Variants in MYRFL observed in about 807,000 individuals in gnomAD.
MYRFL encodes the protein myelin regulatory factor like, also known as myelin regulatory factor-like protein.
Under a neutral mutation model 109.4 loss-of-function variants are expected in MYRFL, and 88 were observed. The ratio of observed to expected loss-of-function variants is 0.80; its 90% confidence interval spans 0.68 to 0.96. MYRFL has a LOEUF of 0.96. Ranked by LOEUF, MYRFL falls within the 40% of genes least tolerant of loss-of-function variation. The pLI is 0.00. For missense variants in MYRFL, 957 were observed against 954.9 expected, an observed-to-expected ratio of 1.00 and a Z score of -0.03; for synonymous variants, 324 against 320.9, an observed-to-expected ratio of 1.01 and a Z score of -0.10.
At chr12:69,846,151 A>T (rs143952180) in intron 1 of MYRFL, among the ~76,000 whole-genome samples, 1 of 97,948 alleles carries the variant, frequency 1.0e-5, no homozygotes, top group African/African-American at 4.1e-5. Context: ...CCACAGTACT[A>T]GATACTTTTG....
intron 2 of MYRFL, among the ~76,000 whole-genome samples, chr12:69,859,015 C>CA (rs1884473419): frequency 6.6e-6 from 1 of 151,892 alleles, no homozygotes; most frequent in South Asian, 2.1e-4. Flanking sequence ...TTAGCTGCCT[C>CA]ACTCAGTTTT....
intron 2 of MYRFL, among the ~76,000 whole-genome samples, chr12:69,862,651 T>C (rs902111139): frequency 1.3e-5 from 2 of 151,820 alleles, no homozygotes; most frequent in Non-Finnish European, 2.9e-5. Flanking sequence ...GATTTTGGGC[T>C]GAGACAATGG....
intron 19 of MYRFL, among the ~76,000 whole-genome samples, chr12:69,949,550 C>A (rs1421499070): frequency 6.6e-6 from 1 of 152,232 alleles, no homozygotes; most frequent in Non-Finnish European, 1.5e-5. Context: ...CTTGTCCAAC[C>A]CGCGGCCCAT....
At chr12:69,957,971 G>T in intron 23 of MYRFL, 29 bp downstream of exon 23, 5 of 1,521,642 alleles carry the variant, frequency 3.3e-6, no homozygotes, top group Non-Finnish European at 4.4e-6. Context: ...TCTCTTCCCC[G>T]CTGAGAGAGG....
intron 1 of MYRFL, among the ~76,000 whole-genome samples, chr12:69,840,449 A>T (rs542836639): frequency 6.6e-6 from 1 of 151,494 alleles, no homozygotes; most frequent in East Asian, 1.9e-4. Flanking sequence ...TCTCCTCTCT[A>T]CTCCCCAAGT....
At chr12:69,896,335 C>T (rs974622119) in intron 9 of MYRFL, among the ~76,000 whole-genome samples, 4 of 152,112 alleles carry the variant, frequency 2.6e-5, no homozygotes, top group East Asian at 3.8e-4. Flanking sequence ...ATAATGATAA[C>T]GGTTACTACT....
At chr12:69,954,928 G>C (rs942586040) in intron 21 of MYRFL, among the ~76,000 whole-genome samples, 8 of 152,090 alleles carry the variant, frequency 5.3e-5, no homozygotes, top group Non-Finnish European at 1.0e-4. Context: ...TTTCCTCCTA[G>C]TGTTGCTCAA....
chr12:69,940,368 A>G (rs1436866659), intron 19 of MYRFL, among the ~76,000 whole-genome samples: 2 of 151,182 alleles, frequency 1.3e-5, no homozygotes, highest in African/African-American at 2.4e-5. Context: ...CAGAAACACT[A>G]CAAGCCAGAA....
chr12:69,944,753 A>G (rs1955779875), intron 19 of MYRFL, among the ~76,000 whole-genome samples: 1 of 152,214 alleles, frequency 6.6e-6, no homozygotes, highest in Admixed American at 6.5e-5. Flanking sequence ...GGGGAGGGAT[A>G]GCATTAGGAG....
chr12:69,853,719 C>T (rs1202570663), intron 1 of MYRFL, among the ~76,000 whole-genome samples: 3 of 144,864 alleles, frequency 2.1e-5, no homozygotes, highest in East Asian at 4.1e-4. Context: ...GGGAGGCAGC[C>T]GGGAAGAGGC....
At chr12:69,872,776 G>A (rs1007852913) in intron 2 of MYRFL, among the ~76,000 whole-genome samples, 2 of 151,902 alleles carry the variant, frequency 1.3e-5, no homozygotes, top group African/African-American at 4.8e-5. Context: ...TGGGATTACG[G>A]GTGTGAGCCA....
chr12:69,949,336 T>C (rs1401495593), intron 19 of MYRFL, among the ~76,000 whole-genome samples: 2 of 152,220 alleles, frequency 1.3e-5, no homozygotes, highest in African/African-American at 4.8e-5. Flanking sequence ...CTATCTACTT[T>C]AAAAAGATAC....
chr12:69,958,188 C>CTCTT (rs1956136282), intron 23 of MYRFL, 61 bp from the exon 24 acceptor site: 1 of 1,395,032 alleles, frequency 7.2e-7, no homozygotes, highest in African/African-American at 1.4e-5. Flanking sequence ...TCAGCCTGTA[C>CTCTT]TCTTTCCTAC....
intron 1 of MYRFL, among the ~76,000 whole-genome samples, chr12:69,844,316 G>T (rs1883407517): frequency 6.6e-6 from 1 of 152,130 alleles, no homozygotes; most frequent in Non-Finnish European, 1.5e-5. Context: ...GCCGGTGGGT[G>T]ATCTAAAGCA....
intron 13 of MYRFL, among the ~76,000 whole-genome samples, chr12:69,918,608 GT>G (rs1954818411): frequency 1.3e-5 from 2 of 152,104 alleles, no homozygotes; most frequent in African/African-American, 4.8e-5. Flanking sequence ...CTGTTTCTCT[GT>G]ATCCTCAACA....
intron 2 of MYRFL, among the ~76,000 whole-genome samples, chr12:69,861,374 AG>A (rs1884652420): frequency 6.6e-6 from 1 of 152,174 alleles, no homozygotes; most frequent in African/African-American, 2.4e-5. Flanking sequence ...ACAGTGTAAA[AG>A]TGTTCCTGTT....
chr12:69,932,776 G>A (rs993266134), intron 16 of MYRFL, among the ~76,000 whole-genome samples, 178 bp downstream of exon 16: 1 of 151,728 alleles, frequency 6.6e-6, no homozygotes, highest in Non-Finnish European at 1.5e-5. Context: ...CTCTTATTTT[G>A]AAGAAAAAAG....
chr12:69,844,912 GA>G (rs1883439572), intron 1 of MYRFL, among the ~76,000 whole-genome samples: 1 of 151,978 alleles, frequency 6.6e-6, no homozygotes, highest in Non-Finnish European at 1.5e-5. Flanking sequence ...AATGACCCTC[GA>G]AAACATAAAG....
chr12:69,959,017 C>T lies in MYRFL; in HGVS notation c.*486C>T, dbSNP rs1473612583. Reference sequence around the variant, plus strand: ...TGAGCTCACATTTAGGCAAATTGTCCTATGTGTGTGTGTATTGTATAAACA... The same window carrying T: ...TGAGCTCACATTTAGGCAAATTGTCTTATGTGTGTGTGTATTGTATAAACA... On this transcript the variant is annotated 3_prime_UTR_variant, in exon 25 of 25. Transcript: ENST00000552032. 1 of 159,996 alleles carries T rather than the reference C, an allele frequency of 6.3e-6. No homozygotes were observed. The highest frequency in any genetic ancestry group is 6.2e-5 in the Admixed American group (1 of 16,114). 9.9% of individuals were successfully genotyped at this position (159,996 alleles called of 1,614,324 possible).
Sources: allele counts gnomAD v4.1 joint callset (sites outside exome capture counted in the v4.1 genomes callset), GRCh38; gene constraint gnomAD v4.1.1; transcripts MANE v1.5; gene names NCBI Gene and HGNC (gene_info 2026-07-23, HGNC 2026-07-21).